The following PIBF1 variants were observed in gnomAD, a reference collection of about 807,000 sequenced individuals.
PIBF1 encodes the protein progesterone immunomodulatory binding factor 1, also known as progesterone-induced-blocking factor 1.
A neutral mutation model predicts 112.5 loss-of-function variants in PIBF1; 90 were observed. That is an observed-to-expected ratio of 0.80 (90% CI 0.67 to 0.95). The LOEUF (loss-of-function observed/expected upper bound fraction) is 0.95. PIBF1 is among the 40% of genes least tolerant of loss of function. PIBF1 has a pLI of 0.00. For synonymous variants in PIBF1, 301 were observed against 288.6 expected (o/e 1.04, Z -0.44); for missense variants, 915 against 852.3 (o/e 1.07, Z -0.92).
intron 16 of PIBF1, among the ~76,000 whole-genome samples, chr13:72,976,309 T>G (rs2043020941): frequency 1.4e-5 from 2 of 147,226 alleles, no homozygotes; most frequent in African/African-American, 2.5e-5. Flanking sequence ...GGAGGGAGGG[T>G]TAGAGGGAAG....
At chr13:72,934,168 A>G (rs1486291519) in intron 14 of PIBF1, among the ~76,000 whole-genome samples, 1 of 152,168 alleles carries the variant, frequency 6.6e-6, no homozygotes, top group Non-Finnish European at 1.5e-5. Context: ...TATTGCTTAC[A>G]CTGAAAATAA....
At chr13:72,926,788 G>C (rs1162793930) in intron 13 of PIBF1, among the ~76,000 whole-genome samples, 3 of 152,054 alleles carry the variant, frequency 2.0e-5, no homozygotes, top group Non-Finnish European at 4.4e-5. Flanking sequence ...AGATTAGTTA[G>C]TATAGTTTTT....
intron 16 of PIBF1, among the ~76,000 whole-genome samples, chr13:72,976,553 A>G (rs914024415): frequency 1.3e-5 from 2 of 152,228 alleles, no homozygotes; most frequent in Non-Finnish European, 2.9e-5. Flanking sequence ...GATGATACCA[A>G]ACATCTAAAG....
chr13:72,983,690 A>G (rs991118215), intron 16 of PIBF1, among the ~76,000 whole-genome samples: 3 of 152,212 alleles, frequency 2.0e-5, no homozygotes, highest in Non-Finnish European at 2.9e-5. Flanking sequence ...CAGCATCCCA[A>G]GTGCCCCTTA....
intron 5 of PIBF1, among the ~76,000 whole-genome samples, chr13:72,800,682 G>C (rs762061346): frequency 2.6e-5 from 4 of 152,150 alleles, no homozygotes; most frequent in Non-Finnish European, 4.4e-5. Context: ...GGGATACCTT[G>C]TTAAACAAAA....
chr13:72,960,659 T>C (rs973239734), intron 14 of PIBF1, among the ~76,000 whole-genome samples: 2 of 152,232 alleles, frequency 1.3e-5, no homozygotes, highest in African/African-American at 4.8e-5. Flanking sequence ...CTTGAACTGT[T>C]CTGCACTTTG....
chr13:72,978,822 A>C (rs1372642106), intron 16 of PIBF1, among the ~76,000 whole-genome samples: 1 of 152,226 alleles, frequency 6.6e-6, no homozygotes, highest in Non-Finnish European at 1.5e-5. Context: ...GAAAAGATAA[A>C]CTGATAGGAA....
intron 9 of PIBF1, among the ~76,000 whole-genome samples, chr13:72,840,527 T>C (rs1306497083): frequency 6.8e-6 from 1 of 147,988 alleles, no homozygotes; most frequent in African/African-American, 2.5e-5. Flanking sequence ...CAATAAACTT[T>C]TTTTTTTTTT....
At chr13:72,815,133 CAAAAT>C (rs765067343) in intron 5 of PIBF1, among the ~76,000 whole-genome samples, 5 of 152,054 alleles carry the variant, frequency 3.3e-5, no homozygotes, top group Non-Finnish European at 5.9e-5. Context: ...ACTACAAAAG[CAAAAT>C]AAAACATTTA....
chr13:72,946,636 G>A (rs1424433795), intron 14 of PIBF1, among the ~76,000 whole-genome samples: 2 of 152,172 alleles, frequency 1.3e-5, no homozygotes, highest in Admixed American at 6.5e-5. Flanking sequence ...AGATACAGTG[G>A]GGGTACAGGC....
At chr13:72,898,458 A>G (rs896849683) in intron 11 of PIBF1, among the ~76,000 whole-genome samples, 1 of 152,084 alleles carries the variant, frequency 6.6e-6, no homozygotes, top group Non-Finnish European at 1.5e-5. Flanking sequence ...AACCGAGATC[A>G]GAGCAGAACT....
intron 14 of PIBF1, among the ~76,000 whole-genome samples, chr13:72,937,000 C>G (rs1198713963): frequency 6.6e-6 from 1 of 152,090 alleles, no homozygotes; most frequent in Non-Finnish European, 1.5e-5. Flanking sequence ...TAAAAACTGT[C>G]AACTGTTTGA....
At chr13:72,896,323 T>C (rs2040280872) in intron 11 of PIBF1, among the ~76,000 whole-genome samples, 2 of 152,168 alleles carry the variant, frequency 1.3e-5, no homozygotes, top group South Asian at 4.1e-4. Context: ...GCCCTTGACT[T>C]GCCCTCTGAG....
At chr13:72,964,500 A>G (rs1158994740) in intron 14 of PIBF1, among the ~76,000 whole-genome samples, 1 of 152,218 alleles carries the variant, frequency 6.6e-6, no homozygotes, top group East Asian at 1.9e-4. Context: ...TTATATTTTA[A>G]AACACATTTG....
At chr13:72,917,255 C>T (rs907185761) in intron 13 of PIBF1, 89 bp downstream of exon 13, 2 of 652,396 alleles carry the variant, frequency 3.1e-6, no homozygotes, top group Non-Finnish European at 4.9e-6. Context: ...AGTTCAGTGA[C>T]AAAGTCCTTT....
At chr13:72,948,325 A>C (rs1387130609) in intron 14 of PIBF1, among the ~76,000 whole-genome samples, 1 of 152,206 alleles carries the variant, frequency 6.6e-6, no homozygotes, top group East Asian at 1.9e-4. Flanking sequence ...AAATGCCACC[A>C]GTGTCTTTGC....
chr13:72,792,579 C>T (rs2034989374), intron 3 of PIBF1, 32 bp downstream of exon 3: 1 of 1,099,210 alleles, frequency 9.1e-7, no homozygotes, highest in Non-Finnish European at 1.3e-6. Flanking sequence ...AAAAAAACAA[C>T]ATCTATTTAG....
At chr13:72,928,027 A>G (rs955853816) in intron 13 of PIBF1, among the ~76,000 whole-genome samples, 516 of 38,864 alleles carry the variant, frequency 0.013, 13 homozygotes, top group East Asian at 0.028. Context: ...ATATATATAC[A>G]TATATATATA....
chr13:72,996,767 TA>T (rs1020169313), intron 16 of PIBF1, among the ~76,000 whole-genome samples: 87 of 144,010 alleles, frequency 6.0e-4, no homozygotes, highest in South Asian at 8.7e-4. Context: ...ACCCTGTCTC[TA>T]AAAAAAAAAA....
Sources: allele counts gnomAD v4.1 joint callset (sites outside exome capture counted in the v4.1 genomes callset), GRCh38; gene constraint gnomAD v4.1.1; transcripts MANE v1.5; gene names NCBI Gene and HGNC (gene_info 2026-07-23, HGNC 2026-07-21).